Variants in GNA12 observed in about 807,000 individuals in gnomAD.
GNA12 encodes the protein G protein subunit alpha 12, also known as guanine nucleotide-binding protein subunit alpha-12.
A neutral mutation model predicts 26.0 loss-of-function variants in GNA12; 9 were observed. That is an observed-to-expected ratio of 0.35 (90% CI 0.21 to 0.60). The LOEUF (loss-of-function observed/expected upper bound fraction) is 0.60. Ranked by LOEUF, GNA12 falls within the 20% of genes least tolerant of loss-of-function variation. The pLI is 0.78. For missense variants in GNA12, 405 were observed against 525.8 expected (o/e 0.77, Z 2.25); for synonymous variants, 264 against 219.6 (o/e 1.20, Z -1.79).
At chr7:2,772,592 T>C (rs902103518) in intron 2 of GNA12, among the ~76,000 whole-genome samples, 12 of 151,610 alleles carry the variant, frequency 7.9e-5, no homozygotes, top group South Asian at 2.1e-4. Context: ...GCCAAACTTA[T>C]TTAGTCAGGA....
chr7:2,794,776 C>T, intron 2 of GNA12, 152 bp downstream of exon 2: 1 of 636,640 alleles, frequency 1.6e-6, no homozygotes, highest in South Asian at 1.9e-5. Context: ...CTGCCTCCAT[C>T]CCGTGTTTTG....
At chr7:2,836,689 C>T (rs868155309) in intron 1 of GNA12, among the ~76,000 whole-genome samples, 2 of 152,106 alleles carry the variant, frequency 1.3e-5, no homozygotes, top group South Asian at 2.1e-4. Flanking sequence ...TTTGGGAGGC[C>T]GAGGCGGGTG....
chr7:2,794,588 G>C (rs1792604112), intron 2 of GNA12: 2 of 274,244 alleles, frequency 7.3e-6, no homozygotes, highest in Admixed American at 5.0e-5. Flanking sequence ...GTCCAAAGTG[G>C]GAAGCTGTTG....
intron 2 of GNA12, among the ~76,000 whole-genome samples, chr7:2,792,061 A>G (rs1298738773): frequency 6.6e-6 from 1 of 152,204 alleles, no homozygotes; most frequent in South Asian, 2.1e-4. Context: ...AGATCGAACC[A>G]AAGGGACGAC....
At chr7:2,807,553 A>C (rs1028019902) in intron 1 of GNA12, among the ~76,000 whole-genome samples, 1 of 151,976 alleles carries the variant, frequency 6.6e-6, no homozygotes, top group African/African-American at 2.4e-5. Context: ...AATCTCTTTG[A>C]ATTAATGAGC....
intron 2 of GNA12, among the ~76,000 whole-genome samples, chr7:2,744,510 C>G (rs569619766): frequency 7.9e-5 from 12 of 152,238 alleles, no homozygotes; most frequent in Non-Finnish European, 1.6e-4. Flanking sequence ...ACACCAAAAA[C>G]CCATCTGTAC....
intron 1 of GNA12, among the ~76,000 whole-genome samples, chr7:2,809,082 C>T (rs528504578): frequency 6.6e-5 from 10 of 152,324 alleles, no homozygotes; most frequent in Non-Finnish European, 4.4e-5. Context: ...ATCCTTCCCA[C>T]GCTCCATCCT....
chr7:2,775,266 G>C (rs1792048542), intron 2 of GNA12: 1 of 152,204 alleles, frequency 6.6e-6, no homozygotes, highest in African/African-American at 2.4e-5. Context: ...TCTGGTGCTA[G>C]TATGCTGCTT....
chr7:2,763,501 T>C (rs187621700), intron 2 of GNA12, among the ~76,000 whole-genome samples: 6 of 152,356 alleles, frequency 3.9e-5, no homozygotes, highest in Non-Finnish European at 7.3e-5. Context: ...TGCTGCTCTA[T>C]GGCTGAGGAT....
intron 2 of GNA12, among the ~76,000 whole-genome samples, chr7:2,780,924 C>T (rs1462601339): frequency 6.6e-6 from 1 of 152,230 alleles, no homozygotes; most frequent in East Asian, 1.9e-4. Flanking sequence ...AAATCATACC[C>T]ATCTGTTTTC....
intron 1 of GNA12, among the ~76,000 whole-genome samples, chr7:2,836,899 G>C (rs751070812): frequency 2.0e-5 from 3 of 152,100 alleles, no homozygotes; most frequent in Non-Finnish European, 4.4e-5. Context: ...ACTCCAGCCC[G>C]GGCAACAAGA....
At chr7:2,770,209 A>G (rs1172050680) in intron 2 of GNA12, among the ~76,000 whole-genome samples, 3 of 152,236 alleles carry the variant, frequency 2.0e-5, no homozygotes, top group Non-Finnish European at 4.4e-5. Flanking sequence ...CAGGATAACC[A>G]TATGCCCCAC....
At chr7:2,842,105 A>AGAAT (rs879813408) in intron 1 of GNA12, among the ~76,000 whole-genome samples, 35,640 of 139,984 alleles carry the variant, frequency 0.25, 4,830 homozygotes, top group East Asian at 0.34. Context: ...AAGGAAAGGA[A>AGAAT]GGAAGGGAAG....
chr7:2,785,258 G>C (rs1019489091), intron 2 of GNA12, among the ~76,000 whole-genome samples: 13 of 152,166 alleles, frequency 8.5e-5, no homozygotes, highest in Non-Finnish European at 1.8e-4. Flanking sequence ...ACCCAAGTAA[G>C]CATGAGACTA....
At chr7:2,799,687 A>T (rs778083029) in intron 1 of GNA12, among the ~76,000 whole-genome samples, 1 of 152,238 alleles carries the variant, frequency 6.6e-6, no homozygotes, top group African/African-American at 2.4e-5. Flanking sequence ...AAAATTTTTT[A>T]AAGAAAATGG....
intron 2 of GNA12, among the ~76,000 whole-genome samples, chr7:2,770,572 C>A (rs1051373061): frequency 6.6e-6 from 1 of 152,050 alleles, no homozygotes; most frequent in African/African-American, 2.4e-5. Context: ...CAGTGAGCTA[C>A]GATAAGCGTG....
intron 1 of GNA12, among the ~76,000 whole-genome samples, chr7:2,812,571 G>A (rs1410196714): frequency 6.7e-6 from 1 of 148,284 alleles, no homozygotes; most frequent in Non-Finnish European, 1.5e-5. Context: ...AGAGGTTGCA[G>A]TGAGACAAGA....
chr7:2,776,598 C>G (rs1464656507), intron 2 of GNA12, among the ~76,000 whole-genome samples: 1 of 152,122 alleles, frequency 6.6e-6, no homozygotes, highest in East Asian at 1.9e-4. Context: ...GGGAAGGAGG[C>G]TGGTGTGACC....
At chr7:2,776,196 A>G (rs976853157) in intron 2 of GNA12, among the ~76,000 whole-genome samples, 1 of 152,164 alleles carries the variant, frequency 6.6e-6, no homozygotes, top group African/African-American at 2.4e-5. Context: ...TCAGCCTCCC[A>G]AAGTGCTGGG....
Sources: gnomAD v4.1 joint callset for allele counts (sites outside exome capture counted in the v4.1 genomes callset) on GRCh38, gnomAD v4.1.1 for gene constraint, MANE v1.5 for transcripts, NCBI Gene and HGNC (gene_info 2026-07-23, HGNC 2026-07-21) for gene names.